Variants in PRKG1 observed in about 807,000 individuals in gnomAD.
PRKG1 encodes the protein protein kinase cGMP-dependent 1.
PRKG1 carries 35 observed loss-of-function variants against 88.1 expected under a neutral mutation model. That is an observed-to-expected ratio of 0.40 (90% CI 0.30 to 0.53). PRKG1 has a LOEUF of 0.53. Ranked by LOEUF, PRKG1 falls within the 20% of genes least tolerant of loss-of-function variation. PRKG1 has a pLI of 0.59. For missense variants in PRKG1, 540 were observed against 839.8 expected (o/e 0.64, Z 4.41); for synonymous variants, 303 against 292.5 (o/e 1.04, Z -0.37).
intron 3 of PRKG1, among the ~76,000 whole-genome samples, chr10:51,567,020 C>T (rs1362962389): frequency 2.0e-5 from 3 of 151,744 alleles, no homozygotes; most frequent in Non-Finnish European, 2.9e-5. Context: ...GATTACTTCA[C>T]AATGTGTACA....
intron 5 of PRKG1, among the ~76,000 whole-genome samples, chr10:51,935,631 A>G (rs1842784757): frequency 1.3e-5 from 2 of 152,244 alleles, no homozygotes; most frequent in East Asian, 3.9e-4. Context: ...ACCAAATCCA[A>G]TTGTCGCTTC....
At position 50,991,793 on chromosome 10, in the gene PRKG1, A is replaced by C; in HGVS notation, c.266+149A>C. 2.0e-6 allele frequency: 1 copy of C among 494,316 alleles called. No individual in the cohort carries two copies. The highest frequency in any genetic ancestry group is 2.6e-6 in the Non-Finnish European group (1 of 377,500). The allele number at this position is 494,316 out of a possible 1,614,324, so 30.6% of individuals were successfully genotyped here. ...GTGGGGGTGGCCCCGCGGCCCGGGA[A>C]TGGGAAGTGTTTATTTTTATTTCTG... On this transcript the variant is annotated intron_variant, in intron 1 of 17. Transcript: ENST00000401604. The surrounding 1 kb of genome is among the most constrained non-coding windows in gnomAD (Gnocchi z 4.5).
chr10:51,821,130 T>A (rs1285942394), intron 4 of PRKG1, among the ~76,000 whole-genome samples: 1 of 152,188 alleles, frequency 6.6e-6, no homozygotes, highest in Non-Finnish European at 1.5e-5. Context: ...GTCTGGTTTC[T>A]TTTGCTAAAC....
intron 3 of PRKG1, among the ~76,000 whole-genome samples, chr10:51,509,230 A>G (rs904219743): frequency 5.0e-4 from 76 of 152,216 alleles, no homozygotes; most frequent in African/African-American, 1.5e-3. Flanking sequence ...AAAAATTAAT[A>G]TGTATGCCTG....
At chr10:51,732,896 C>T (rs1837155922) in intron 3 of PRKG1, among the ~76,000 whole-genome samples, 1 of 151,992 alleles carries the variant, frequency 6.6e-6, no homozygotes, top group Non-Finnish European at 1.5e-5. Flanking sequence ...AAATAACATA[C>T]ATTTATTTCT....
chr10:52,014,922 T>G (rs1175113136), intron 5 of PRKG1, among the ~76,000 whole-genome samples: 1 of 152,262 alleles, frequency 6.6e-6, no homozygotes. Context: ...TCCCAAGGCC[T>G]GAGGCAGCTC....
At chr10:51,070,890 A>C (rs1470637481), upstream of PRKG1, among the ~76,000 whole-genome samples, 1 of 152,222 alleles carries the variant, frequency 6.6e-6, no homozygotes, top group Non-Finnish European at 1.5e-5. Flanking sequence ...TGTTTCTGGA[A>C]TTCTAGAGTA....
chr10:51,245,916 G>A (rs1839277166), intron 2 of PRKG1: 1 of 152,060 alleles, frequency 6.6e-6, no homozygotes, highest in Admixed American at 6.6e-5. Context: ...GAAATGAAGA[G>A]CAAAAGCTAG....
intron 2 of PRKG1, among the ~76,000 whole-genome samples, chr10:51,266,233 G>A (rs183489691): frequency 1.3e-5 from 2 of 152,242 alleles, no homozygotes; most frequent in East Asian, 3.9e-4. Context: ...ATAGGCAGTG[G>A]GGAGCCATTA....
rs16915751 is a variant in PRKG1, at chr10:51,234,358, G to C, written c.478+81028G>C. 6.5e-4 allele frequency among the ~76,000 whole-genome samples: 99 copies of C among 152,266 alleles called. 2 individuals carry two copies. The East Asian group carries it at 0.018, about 28-fold the overall frequency. ...TAGTCTTTTCTGCCCAGATTGCACT[G>C]AAAGATAGAAGCTGCTGCTTCGTTG... On this transcript the variant is annotated intron_variant, in intron 2 of 17. Transcript: ENST00000373980.
intron 3 of PRKG1, among the ~76,000 whole-genome samples, chr10:51,583,155 T>A (rs1282053081): frequency 2.0e-5 from 3 of 152,156 alleles, no homozygotes; most frequent in Non-Finnish European, 2.9e-5. Flanking sequence ...TATTTTGTAA[T>A]CTGAACATTT....
chr10:51,384,713 C>T lies in PRKG1; in HGVS notation c.479-83010C>T, dbSNP rs189008681. On this transcript the variant is annotated intron_variant, in intron 2 of 17. Coordinates refer to ENST00000373980, the MANE Select transcript of PRKG1 (RefSeq NM_006258.4). ...ATTATTTCTTTTCCTACCCAGCTTC[C>T]ACTCTCAGCAGCAGCCTCATTGCTG... is the stretch of plus-strand genomic sequence containing the variant. Among the ~76,000 whole-genome samples the T allele has an allele frequency of 9.2e-5, 14 of 152,226 alleles. No homozygotes were observed. In the East Asian group the frequency reaches 2.3e-3, roughly 25 times the overall value.
At chr10:51,760,180 C>T (rs533281538) in intron 3 of PRKG1, among the ~76,000 whole-genome samples, 1 of 152,270 alleles carries the variant, frequency 6.6e-6, no homozygotes, top group African/African-American at 2.4e-5. Flanking sequence ...ATAAATGTTT[C>T]TCAATTCATA....
At chr10:51,833,340 A>T (rs1424624888) in intron 4 of PRKG1, among the ~76,000 whole-genome samples, 1 of 152,202 alleles carries the variant, frequency 6.6e-6, no homozygotes, top group Admixed American at 6.6e-5. Flanking sequence ...CATTGAGCAT[A>T]TAGTAATCAT....
intron 3 of PRKG1, among the ~76,000 whole-genome samples, chr10:51,549,960 C>T (rs570305753): frequency 1.5e-4 from 23 of 152,098 alleles, no homozygotes; most frequent in Non-Finnish European, 3.4e-4. Flanking sequence ...TAGACTCATC[C>T]TTCACTTATT....
intron 1 of PRKG1, among the ~76,000 whole-genome samples, chr10:51,131,268 T>C (rs1273375902): frequency 1.3e-5 from 2 of 152,200 alleles, no homozygotes. Flanking sequence ...GAGTTAATCT[T>C]TCCAACAAAT....
At chr10:51,413,117 A>C (rs7902518) in intron 2 of PRKG1, among the ~76,000 whole-genome samples, 24,860 of 152,204 alleles carry the variant, frequency 0.16, 2,173 homozygotes, top group Admixed American at 0.25. Context: ...GATTGTTCCT[A>C]ATTCAAAATG....
intron 3 of PRKG1, among the ~76,000 whole-genome samples, chr10:51,766,639 A>G (rs1313720871): frequency 1.3e-5 from 2 of 152,154 alleles, no homozygotes; most frequent in African/African-American, 4.8e-5. Context: ...AAGAGAGAGA[A>G]TGGAAGCAAA....
At chr10:51,017,832 C>A (rs1450607012) in intron 1 of PRKG1, among the ~76,000 whole-genome samples, 1 of 151,534 alleles carries the variant, frequency 6.6e-6, no homozygotes, top group Admixed American at 6.6e-5. Context: ...CAGGGTCTTG[C>A]TTTGTTGTCC....
Sources: gnomAD v4.1 joint callset for allele counts (sites outside exome capture counted in the v4.1 genomes callset) on GRCh38, gnomAD v4.1.1 for gene constraint, Gnocchi (gnomAD v3.1) non-coding constraint, MANE v1.5 for transcripts, NCBI Gene and HGNC (gene_info 2026-07-23, HGNC 2026-07-21) for gene names.